The following PDE8B variants were observed in gnomAD, a reference collection of about 807,000 sequenced individuals.
PDE8B encodes the protein high affinity cAMP-specific and IBMX-insensitive 3',5'-cyclic phosphodiesterase 8B.
In PDE8B, 26 loss-of-function variants were observed where a neutral mutation model predicts 101.3. The observed-to-expected ratio is 0.26, with a 90% confidence interval of 0.19 to 0.36. PDE8B has a LOEUF of 0.36. Among genes scored for constraint, PDE8B ranks in the 10% least tolerant of loss-of-function variants. The pLI is 1.00. For missense variants in PDE8B, 810 were observed against 1,163.1 expected (o/e 0.70, Z 4.42); for synonymous variants, 424 against 429.3 (o/e 0.99, Z 0.15).
At chr5:77,172,427 A>T in the PDE8B span, among the ~76,000 whole-genome samples, 2 of 152,212 alleles carry the variant, frequency 1.3e-5, 1 homozygote, top group South Asian at 4.1e-4. Flanking sequence ...GCAGACAATG[A>T]CGGTGTTTGT....
chr5:77,091,234 C>A, the PDE8B span, among the ~76,000 whole-genome samples: 1 of 152,182 alleles, frequency 6.6e-6, no homozygotes, highest in South Asian at 2.1e-4. Context: ...TGATGGGTAT[C>A]CTGATAACCC....
At chr5:77,132,605 C>T in the PDE8B span, among the ~76,000 whole-genome samples, 115 of 152,342 alleles carry the variant, frequency 7.5e-4, 2 homozygotes, top group African/African-American at 2.7e-3. Context: ...AAATTCCCCA[C>T]GCTGCAGAGA....
intron 7 of PDE8B, among the ~76,000 whole-genome samples, chr5:77,347,911 G>A (rs1336569972): frequency 6.6e-6 from 1 of 152,172 alleles, no homozygotes; most frequent in Non-Finnish European, 1.5e-5. Flanking sequence ...GGCTTTGTGA[G>A]CAGGGGCTAC....
At position 77,325,554 on chromosome 5, in the gene PDE8B, G is replaced by A; in HGVS notation, c.415G>A (p.Ala139Thr). Residue 139 changes from alanine to threonine, a missense_variant, in exon 3 of 22, where the codon GCA (alanine) becomes ACA (threonine). By Grantham distance (58) the Ala-to-Thr change is moderately conservative (BLOSUM62 0). Coordinates refer to ENST00000264917, the MANE Select transcript of PDE8B (RefSeq NM_003719.5). ...TGTGTTTCAGGTTTTGCTGATCTTT[G>A]CAAAGGAAGATAGTCAGAGCGATGG... is the stretch of plus-strand genomic sequence containing the variant. The part of the protein sequence containing the change: ...QDPIQVLLIF[A>T]KEDSQSDGFW... 6.2e-7 allele frequency: 1 copy of A among 1,614,012 alleles called. No individual in the cohort carries two copies. Among genetic ancestry groups the A allele is most frequent in the Non-Finnish European group, 8.5e-7 (1 of 1,179,896 alleles).
intron 1 of PDE8B, among the ~76,000 whole-genome samples, chr5:77,229,597 A>C (rs1305312213): frequency 6.6e-6 from 1 of 151,682 alleles, no homozygotes; most frequent in Non-Finnish European, 1.5e-5. Flanking sequence ...TCCAATCCCC[A>C]CCCCTCCGCA....
chr5:77,409,624 A>G (rs972760351), intron 14 of PDE8B, among the ~76,000 whole-genome samples: 4 of 152,190 alleles, frequency 2.6e-5, no homozygotes, highest in African/African-American at 9.7e-5. Context: ...TACACCACCA[A>G]GAGTAGCTGG....
chr5:77,378,664 G>T (rs193071425), intron 10 of PDE8B, among the ~76,000 whole-genome samples: 2 of 152,070 alleles, frequency 1.3e-5, no homozygotes, highest in African/African-American at 4.8e-5. Flanking sequence ...TGCCAATGCC[G>T]CCGGTACACT....
intron 1 of PDE8B, among the ~76,000 whole-genome samples, chr5:77,294,590 G>A (rs1768100528): frequency 6.6e-6 from 1 of 151,524 alleles, no homozygotes; most frequent in East Asian, 1.9e-4. Flanking sequence ...AAAAAACACA[G>A]GTTACATCAT....
chr5:77,227,577 G>A (rs1289628622), intron 1 of PDE8B, among the ~76,000 whole-genome samples: 3 of 152,206 alleles, frequency 2.0e-5, no homozygotes, highest in East Asian at 3.9e-4. Context: ...AATGAAAGAT[G>A]GAGAAAATGA....
chr5:77,381,577 T>G (rs1300743584), intron 10 of PDE8B, among the ~76,000 whole-genome samples: 9 of 152,224 alleles, frequency 5.9e-5, no homozygotes, highest in Admixed American at 5.9e-4. Context: ...TGACTCATTT[T>G]AGTTGCTAAA....
intron 10 of PDE8B, among the ~76,000 whole-genome samples, chr5:77,354,315 G>A (rs1376194385): frequency 1.3e-5 from 2 of 152,156 alleles, no homozygotes; most frequent in African/African-American, 2.4e-5. Flanking sequence ...AGGGGTCCAC[G>A]TCCATGTGCT....
At chr5:77,325,311 G>T (rs1775838668) in intron 2 of PDE8B, among the ~76,000 whole-genome samples, 1 of 152,160 alleles carries the variant, frequency 6.6e-6, no homozygotes, top group Non-Finnish European at 1.5e-5. Flanking sequence ...GAGACCACAG[G>T]CATGTGCTAC....
intron 10 of PDE8B, among the ~76,000 whole-genome samples, chr5:77,379,184 A>G (rs926038123): frequency 1.3e-5 from 2 of 152,250 alleles, no homozygotes; most frequent in Non-Finnish European, 2.9e-5. Context: ...AAGGGACAGT[A>G]TAATATCTGA....
the PDE8B span, among the ~76,000 whole-genome samples, chr5:77,109,927 GTTTTTTTTTT>G: frequency 4.5e-5 from 3 of 67,264 alleles, no homozygotes; most frequent in African/African-American, 1.2e-4. Flanking sequence ...TTGTATTTCA[GTTTTTTTTTT>G]TTTTTTTTTT....
At chr5:77,185,463 G>T in the PDE8B span, among the ~76,000 whole-genome samples, 2 of 152,096 alleles carry the variant, frequency 1.3e-5, no homozygotes, top group Non-Finnish European at 2.9e-5. Context: ...ATTGGATTAG[G>T]AGCCATGTTA....
intron 7 of PDE8B, among the ~76,000 whole-genome samples, chr5:77,348,048 A>C (rs1356321942): frequency 6.6e-6 from 1 of 152,078 alleles, no homozygotes; most frequent in East Asian, 1.9e-4. Flanking sequence ...TCACCCACCA[A>C]AGGCCTGATG....
At chr5:77,109,927 GTT>G in the PDE8B span, among the ~76,000 whole-genome samples, 34 of 67,258 alleles carry the variant, frequency 5.1e-4, no homozygotes, top group African/African-American at 1.8e-3. Flanking sequence ...TTGTATTTCA[GTT>G]TTTTTTTTTT....
At chr5:77,166,958 G>A in the PDE8B span, 6 of 152,334 alleles carry the variant, frequency 3.9e-5, no homozygotes, top group East Asian at 1.2e-3. Flanking sequence ...ATCCGGACCG[G>A]AGTTGGCCAC....
At chr5:77,373,448 A>C (rs1275052095) in intron 10 of PDE8B, among the ~76,000 whole-genome samples, 1 of 152,212 alleles carries the variant, frequency 6.6e-6, no homozygotes, top group Non-Finnish European at 1.5e-5. Flanking sequence ...GAACATATCT[A>C]TCAACATATC....
Sources: allele counts gnomAD v4.1 joint callset (sites outside exome capture counted in the v4.1 genomes callset), GRCh38; gene constraint gnomAD v4.1.1; transcripts MANE v1.5; gene names NCBI Gene and HGNC (gene_info 2026-07-23, HGNC 2026-07-21).